The following STARD9 variants were observed in gnomAD, a reference collection of about 807,000 sequenced individuals.
The protein encoded by STARD9 is StAR related lipid transfer domain containing 9.
In STARD9, 346 loss-of-function variants were observed where a neutral mutation model predicts 399.8. The ratio of observed to expected loss-of-function variants is 0.87; its 90% CI spans 0.79 to 0.95. STARD9 has a LOEUF of 0.95. Ranked by LOEUF, STARD9 falls within the 40% of genes least tolerant of loss-of-function variation. The probability of loss-of-function intolerance (pLI) is 0.00; values close to 1 mark genes in which losing one functional copy is unlikely to be tolerated. For missense variants in STARD9, 5,832 were observed against 5,667.5 expected, an observed-to-expected ratio of 1.03 and a Z score of -0.93; for synonymous variants, 2,203 against 2,143.5, an observed-to-expected ratio of 1.03 and a Z score of -0.77.
chr15:42,624,896 G>A (rs957289055), intron 3 of STARD9, among the ~76,000 whole-genome samples: 1 of 152,038 alleles, frequency 6.6e-6, no homozygotes, highest in African/African-American at 2.4e-5. Flanking sequence ...ATCTGTTACT[G>A]CATTTAGTAG....
At chr15:42,698,443 T>G (rs1367177817) in intron 26 of STARD9, among the ~76,000 whole-genome samples, 1 of 152,240 alleles carries the variant, frequency 6.6e-6, no homozygotes, top group Non-Finnish European at 1.5e-5. Context: ...TTTTCTCATA[T>G]GCTTGAATAT....
In STARD9 at chr15:42,689,793, A is replaced by T; in HGVS notation, c.8215A>T (p.Lys2739Ter). Reference protein sequence around the residue: ...VEEVRRVVSKKVVAALPSQAP... With the variant: ...VEEVRRVVSK ...GGAGGTCAGGAGGGTAGTATCAAAG[A>T]AGGTAGTGGCTGCCTTACCTTCTCA... Residue 2739 changes from lysine to a stop codon, truncating the protein, a stop_gained, in exon 23 of 33, where the codon AAG becomes TAG. Transcript: ENST00000290607. LOFTEE classifies it high-confidence loss of function. 2 of 1,537,404 alleles carry T rather than the reference A, an allele frequency of 1.3e-6. No homozygotes were observed. Among genetic ancestry groups the T allele is most frequent in the Non-Finnish European group, 1.7e-6 (2 of 1,146,940 alleles).
chr15:42,718,252 G>C lies in STARD9; in HGVS notation c.13762+73G>C, dbSNP rs962035726. On this transcript the variant is annotated intron_variant, in intron 30 of 32. Coordinates refer to ENST00000290607, the MANE Select transcript of STARD9 (RefSeq NM_020759.3). ...CCCAGTGGGGTCTTGCTGGGGGATA[G>C]AGGTGGAGGGTTGGAGGCAGCCCTC... 9 of 1,426,682 alleles carry C rather than the reference G, an allele frequency of 6.3e-6. No homozygotes were observed. The African/African-American group carries it at 1.1e-4, about 18-fold the overall frequency. The allele number at this position is 1,426,682 out of a possible 1,614,324, so 88.4% of individuals were successfully genotyped here. A position where few individuals can be genotyped will look rare whatever the true frequency, so the allele number is the denominator to read the frequency against.
intron 9 of STARD9, among the ~76,000 whole-genome samples, chr15:42,658,951 A>G (rs1296799816): frequency 6.6e-6 from 1 of 152,074 alleles, no homozygotes; most frequent in African/African-American, 2.4e-5. Flanking sequence ...TGTCTCTACT[A>G]AAAATACAAA....
chr15:42,633,448 C>T (rs2059367205), intron 3 of STARD9, among the ~76,000 whole-genome samples: 2 of 152,266 alleles, frequency 1.3e-5, no homozygotes, highest in Middle Eastern at 3.4e-3. Flanking sequence ...CCAGGCAGAA[C>T]CATATCACAG....
rs1320532363 is a variant in STARD9 at position 42,687,259 on chromosome 15, G to A, written c.5681G>A (p.Cys1894Tyr). 1 of 1,537,024 alleles carries A rather than the reference G, an allele frequency of 6.5e-7. No homozygotes were observed. The highest frequency in any genetic ancestry group is 2.4e-5 in the East Asian group (1 of 40,922). The change falls in exon 23 of 33, where the codon TGT becomes TAT. Residue 1894 changes from cysteine (C) to tyrosine (Y), a missense_variant. Cys to Tyr is a radical substitution (Grantham distance 194). Coordinates refer to ENST00000290607, the MANE Select transcript of STARD9 (RefSeq NM_020759.3). ...GGAGGAGAGGTCACTGCTCAGTCCT[G>A]TTGCGGTGCTTCCTCAGACAGCACT... The part of the protein sequence containing the change: ...LEGGEVTAQS[C>Y]CGASSDSTES...
intron 31 of STARD9, 28 bp downstream of exon 31, chr15:42,718,542 T>C (rs751853286): frequency 6.5e-7 from 1 of 1,531,196 alleles, no homozygotes; most frequent in Admixed American, 2.0e-5. Flanking sequence ...AAAGATGTTG[T>C]GGGAAGAACT....
rs373328815 is a variant in STARD9, at chr15:42,691,891, G to A, written c.10313G>A (p.Arg3438Gln). Residue 3438 changes from arginine (R) to glutamine (Q), a missense_variant, in exon 23 of 33, where the codon CGA (arginine) becomes CAA (glutamine). This residue lies in a region of STARD9 where 5,828 missense variants were observed against 5,651.1 expected (regional missense o/e 1.03). Coordinates refer to ENST00000290607, the MANE Select transcript of STARD9 (RefSeq NM_020759.3). ...TTGGAACAAGCCCAACAGGGAAAGC[G>A]AGAGAAACTGGGTGTCCAGGTTAGG... ...GTLEQAQQGK[R>Q]EKLGVQVRPE... 1.2e-5 allele frequency: 19 copies of A among 1,537,166 alleles called. No homozygotes were observed. Among genetic ancestry groups the A allele is most frequent in the African/African-American group, 8.2e-5 (6 of 73,054 alleles).
chr15:42,688,367 T>C lies in STARD9; in HGVS notation c.6789T>C (p.Ser2263=), dbSNP rs1014045555. ...QESQVAEHVS[S]SNQEEPKAQG... Reference sequence around the variant, plus strand: ...GCCAAGTAGCTGAACACGTAAGTAGTTCCAACCAAGAAGAGCCAAAAGCTC... The same window carrying C: ...GCCAAGTAGCTGAACACGTAAGTAGCTCCAACCAAGAAGAGCCAAAAGCTC... The change falls in exon 23 of 33, where the codon AGT becomes AGC. Residue 2263 remains serine, a synonymous_variant. Transcript: ENST00000290607. 26 of 1,536,794 alleles carry C rather than the reference T, an allele frequency of 1.7e-5. No homozygotes were observed. The East Asian group carries it at 5.6e-4, about 33-fold the overall frequency.
At chr15:42,670,389 G>A (rs1199109563) in intron 16 of STARD9, 1 of 152,202 alleles carries the variant, frequency 6.6e-6, no homozygotes, top group African/African-American at 2.4e-5. Flanking sequence ...GTCACCTGGA[G>A]GCCAGTCCTC....
chr15:42,615,630 C>G (rs946529896), intron 3 of STARD9, among the ~76,000 whole-genome samples: 4 of 145,024 alleles, frequency 2.8e-5, no homozygotes, highest in Non-Finnish European at 6.0e-5. Flanking sequence ...ATGGGAGGAA[C>G]AAGAAAGGAT....
At chr15:42,594,993 A>G (rs759350751) in intron 3 of STARD9, among the ~76,000 whole-genome samples, 2 of 152,190 alleles carry the variant, frequency 1.3e-5, no homozygotes, top group Non-Finnish European at 2.9e-5. Context: ...AAATGATAAC[A>G]AGTGATCTGT....
chr15:42,695,665 C>G (rs1393195298), intron 25 of STARD9, 78 bp from the exon 26 acceptor site: 2 of 1,469,196 alleles, frequency 1.4e-6, no homozygotes, highest in Non-Finnish European at 1.8e-6. Flanking sequence ...GAAGGGGTGG[C>G]TTTGGGTAGG....
intron 3 of STARD9, among the ~76,000 whole-genome samples, chr15:42,626,951 A>T (rs991863805): frequency 5.9e-5 from 9 of 151,834 alleles, no homozygotes; most frequent in African/African-American, 2.2e-4. Flanking sequence ...CCGCGGCTAA[A>T]GCGATCCTTC....
chr15:42,576,843 G>C (rs986944160), intron 1 of STARD9, among the ~76,000 whole-genome samples: 1 of 152,180 alleles, frequency 6.6e-6, no homozygotes, highest in Non-Finnish European at 1.5e-5. Flanking sequence ...AGAGCAATGA[G>C]ATAGAAAGAA....
chr15:42,653,942 AAGG>A (rs1340142201), intron 9 of STARD9, among the ~76,000 whole-genome samples: 6 of 152,194 alleles, frequency 3.9e-5, no homozygotes, highest in Admixed American at 2.0e-4. Context: ...AGGGAAATGA[AAGG>A]AGATATATTT....
intron 1 of STARD9, 130 bp downstream of exon 1, chr15:42,575,892 G>A (rs1299611243): frequency 9.0e-6 from 9 of 995,290 alleles, no homozygotes; most frequent in East Asian, 5.3e-5. Flanking sequence ...GTCGGGGTCC[G>A]GAATCCACGG....
rs199906714 is a variant in STARD9, at chr15:42,635,260, CA to C, written c.351+303del. ...GGGCAACAAGAGCAAAACTCCATCT[CA>C]AAAAAAAAAAAAAATGAGTTTTTCA... On this transcript the variant is annotated intron_variant, in intron 4 of 32. Coordinates refer to ENST00000290607, the MANE Select transcript of STARD9 (RefSeq NM_020759.3). Among the ~76,000 whole-genome samples, 695 of 99,850 alleles carry C rather than the reference CA, an allele frequency of 7.0e-3. 3 individuals carry two copies. The highest frequency in any genetic ancestry group is 0.014 in the African/African-American group (363 of 25,822). The allele number at this position is 99,850 out of a possible 152,430, so 65.5% of individuals were successfully genotyped here. A position where few individuals can be genotyped will look rare whatever the true frequency, so the allele number is the denominator to read the frequency against.
At chr15:42,586,410 C>T (rs556973018) in intron 3 of STARD9, among the ~76,000 whole-genome samples, 3 of 152,176 alleles carry the variant, frequency 2.0e-5, no homozygotes, top group Admixed American at 6.5e-5. Context: ...GCTTAGCTCT[C>T]GGTCAAGTTT....
Sources: gnomAD v4.1 joint callset for allele counts (sites outside exome capture counted in the v4.1 genomes callset) on GRCh38, gnomAD v4.1.1 for gene constraint, gnomAD v4.1.1 regional missense constraint, MANE v1.5 for transcripts, NCBI Gene and HGNC (gene_info 2026-07-23, HGNC 2026-07-21) for gene names.